Variants in FER1L6 observed in about 807,000 individuals in gnomAD.
FER1L6 encodes the protein fer-1 like family member 6.
FER1L6 carries 177 observed loss-of-function variants against 219.2 expected under a neutral mutation model. The ratio of observed to expected loss-of-function variants is 0.81; its 90% confidence interval spans 0.71 to 0.91. The LOEUF (loss-of-function observed/expected upper bound fraction) is 0.91. Among genes scored for constraint, FER1L6 ranks in the 40% least tolerant of loss-of-function variants. FER1L6 has a pLI of 0.00. For missense variants in FER1L6, 2,153 were observed against 2,259.9 expected (o/e 0.95, Z 0.96); for synonymous variants, 768 against 824.3 (o/e 0.93, Z 1.17).
At position 124,119,949 on chromosome 8, in the gene FER1L6, C is replaced by G; in HGVS notation, c.*159C>G. 1.4e-6 allele frequency: 1 copy of G among 690,534 alleles called. No homozygotes were observed. Among genetic ancestry groups the G allele is most frequent in the South Asian group, 3.1e-5 (1 of 31,946 alleles). 42.8% of individuals were successfully genotyped at this position (690,534 alleles called of 1,614,324 possible). A position where few individuals can be genotyped will look rare whatever the true frequency, so the allele number is the denominator to read the frequency against. ...GGAAAAGAAACATTTCCTCCCTGCT[C>G]CAACCCCTGCCTCCAAGTTTCAAAC... On this transcript the variant is annotated 3_prime_UTR_variant, in exon 41 of 41. Transcript: ENST00000522917.
chr8:123,975,441 C>G (rs1816029377), intron 8 of FER1L6, 135 bp downstream of exon 8: 2 of 758,714 alleles, frequency 2.6e-6, no homozygotes, highest in African/African-American at 3.6e-5. Flanking sequence ...GCATTCTGCT[C>G]TATCAGACAC....
At position 123,853,111 on chromosome 8, in the gene FER1L6, T is replaced by C. The variant is rs1025957366; in HGVS notation, c.-8+926T>C. ...CTCCTGCCTCAGCCTTCCAAAGTGC[T>C]CGGATTACGTGCGTGAGCCACTGTG... On this transcript the variant is annotated intron_variant, in intron 1 of 40. Coordinates refer to ENST00000522917, the MANE Select transcript of FER1L6 (RefSeq NM_001039112.2). The surrounding 1 kb of genome is among the most constrained non-coding windows in gnomAD (Gnocchi z 6.6). Among the ~76,000 whole-genome samples the C allele has an allele frequency of 6.6e-6, 1 of 152,196 alleles. No homozygotes were observed. Among genetic ancestry groups the C allele is most frequent in the South Asian group, 2.1e-4 (1 of 4,830 alleles).
intron 25 of FER1L6, among the ~76,000 whole-genome samples, chr8:124,062,626 A>G (rs557737079): frequency 4.6e-5 from 7 of 152,248 alleles, no homozygotes; most frequent in African/African-American, 1.4e-4. Context: ...GCCTGTTACT[A>G]TTACTCGCTG....
chr8:124,105,806 A>G (rs1052154760), intron 39 of FER1L6, among the ~76,000 whole-genome samples: 1 of 152,204 alleles, frequency 6.6e-6, no homozygotes, highest in Non-Finnish European at 1.5e-5. Context: ...CATACAGTGG[A>G]ATATTATTCA....
intron 25 of FER1L6, among the ~76,000 whole-genome samples, chr8:124,063,786 G>A (rs945575512): frequency 1.3e-5 from 2 of 152,178 alleles, no homozygotes; most frequent in African/African-American, 4.8e-5. Flanking sequence ...CCTGAGTGCT[G>A]ACTCCTACAG....
intron 33 of FER1L6, among the ~76,000 whole-genome samples, chr8:124,084,543 T>G (rs1278748725): frequency 6.6e-6 from 1 of 152,198 alleles, no homozygotes; most frequent in Non-Finnish European, 1.5e-5. Flanking sequence ...TCCTTCATTC[T>G]GTTGATAATG....
chr8:123,987,703 G>A (rs901461975), intron 12 of FER1L6, among the ~76,000 whole-genome samples: 1 of 152,122 alleles, frequency 6.6e-6, no homozygotes, highest in African/African-American at 2.4e-5. Context: ...TTTGTATATG[G>A]TGGAACATAG....
intron 13 of FER1L6, among the ~76,000 whole-genome samples, chr8:124,009,667 C>G (rs1817822325): frequency 6.6e-6 from 1 of 152,092 alleles, no homozygotes; most frequent in Non-Finnish European, 1.5e-5. Flanking sequence ...GGAACTGGTG[C>G]TGCCTTTGAA....
chr8:123,936,348 A>G (rs1814001330), intron 1 of FER1L6, among the ~76,000 whole-genome samples: 2 of 151,996 alleles, frequency 1.3e-5, no homozygotes, highest in South Asian at 4.1e-4. Context: ...GTGGTGTCCT[A>G]CTTTTTTACC....
Position 124,064,770 on chromosome 8 carries a change from T to A in FER1L6, c.3555+197T>A, listed in dbSNP as rs190175644. ...TATAGGATCAGAAGGTTAATGTGCA[T>A]GAAATTAAAGTGCTGGTCAAATGTG... On this transcript the variant is annotated intron_variant, in intron 26 of 40. Transcript: ENST00000522917. 6.8e-4 allele frequency among the ~76,000 whole-genome samples: 104 copies of A among 152,334 alleles called. 1 individual carries two copies. The highest frequency in any genetic ancestry group is 2.5e-3 in the African/African-American group (104 of 41,582).
chr8:123,992,082 G>A (rs1816886230), intron 12 of FER1L6, among the ~76,000 whole-genome samples: 1 of 152,046 alleles, frequency 6.6e-6, no homozygotes, highest in South Asian at 2.1e-4. Context: ...TTTTTGATGT[G>A]CTGTTGGATT....
chr8:123,920,665 A>G (rs4242349), intron 1 of FER1L6, among the ~76,000 whole-genome samples: 70,988 of 152,066 alleles, frequency 0.47, 16,994 homozygotes, highest in African/African-American at 0.55. Context: ...CAGGGATTTT[A>G]TGGTCTGCTG....
intron 15 of FER1L6, chr8:124,015,963 G>T (rs1351290841): frequency 1.3e-5 from 2 of 152,816 alleles, no homozygotes; most frequent in African/African-American, 4.8e-5. Flanking sequence ...TCTCACCCTT[G>T]CCCCTCACCA....
At chr8:123,988,921 T>C (rs1221483529) in intron 12 of FER1L6, among the ~76,000 whole-genome samples, 1 of 152,212 alleles carries the variant, frequency 6.6e-6, no homozygotes, top group Non-Finnish European at 1.5e-5. Context: ...AAGGAAAGGC[T>C]TTCAGTTTTT....
intron 32 of FER1L6, among the ~76,000 whole-genome samples, chr8:124,078,489 C>A (rs1011875785): frequency 1.3e-5 from 2 of 152,322 alleles, no homozygotes; most frequent in Middle Eastern, 3.4e-3. Context: ...CCATGACATG[C>A]CTTTTCTTTT....
intron 1 of FER1L6, among the ~76,000 whole-genome samples, chr8:123,945,297 G>T (rs754325258): frequency 5.9e-5 from 9 of 152,148 alleles, no homozygotes; most frequent in Non-Finnish European, 1.2e-4. Flanking sequence ...TCCTCCTCCT[G>T]TTCAAGAGGC....
chr8:123,871,266 G>T (rs1301860537), intron 1 of FER1L6, among the ~76,000 whole-genome samples: 1 of 152,068 alleles, frequency 6.6e-6, no homozygotes, highest in Admixed American at 6.6e-5. Context: ...CAGCTGAAAG[G>T]GCCCTGAAAC....
chr8:123,902,791 A>G (rs1191912562), intron 1 of FER1L6, among the ~76,000 whole-genome samples: 3 of 152,160 alleles, frequency 2.0e-5, no homozygotes, highest in Non-Finnish European at 2.9e-5. Flanking sequence ...CAATGTTAGT[A>G]TTGAAATGTG....
rs994751214 is a variant in FER1L6, at chr8:124,111,271, C to A, written c.5290-7573C>A. On this transcript the variant is annotated intron_variant, in intron 39 of 40. Coordinates refer to ENST00000522917, the MANE Select transcript of FER1L6 (RefSeq NM_001039112.2). This position sits in a 1 kb window ranked among gnomAD's most constrained non-coding sequence, Gnocchi z 5.0. ...TTAATTTTTATTTGTTGCCCTTACA[C>A]CTCCTAAAGGGAAAATAAGAATTGA... is the stretch of plus-strand genomic sequence containing the variant. 1.3e-5 allele frequency among the ~76,000 whole-genome samples: 2 copies of A among 152,196 alleles called. No homozygotes were observed. The highest frequency in any genetic ancestry group is 4.8e-5 in the African/African-American group (2 of 41,438).
Sources: gnomAD v4.1 joint callset for allele counts (sites outside exome capture counted in the v4.1 genomes callset) on GRCh38, gnomAD v4.1.1 for gene constraint, Gnocchi (gnomAD v3.1) non-coding constraint, MANE v1.5 for transcripts, NCBI Gene and HGNC (gene_info 2026-07-23, HGNC 2026-07-21) for gene names.